The following NVL variants were observed in gnomAD, a reference collection of about 807,000 sequenced individuals.
The protein encoded by NVL is nuclear valosin-containing protein-like.
Under a neutral mutation model 110.2 loss-of-function variants are expected in NVL, and 84 were observed. That is an observed-to-expected ratio of 0.76 (90% CI 0.64 to 0.91). The LOEUF is 0.91. Ranked by LOEUF, NVL falls within the 40% of genes least tolerant of loss-of-function variation. NVL has a pLI of 0.00. For synonymous variants in NVL, 354 were observed against 361.1 expected (o/e 0.98, Z 0.22); for missense variants, 882 against 1,035.9 (o/e 0.85, Z 2.04).
Position 224,314,024 on chromosome 1 carries a change from G to C in NVL, c.285-2167C>G, listed in dbSNP as rs548320554. On this transcript the variant is annotated intron_variant, in intron 4 of 22. Transcript: ENST00000281701. The stretch of plus-strand genomic sequence containing the variant: ...TCTCAAAAAAAGAAAAAATATATAT[G>C]ATCAATATTTTGCCTATAAAAACAG... Among the ~76,000 whole-genome samples, 4 of 152,186 alleles carry C rather than the reference G, an allele frequency of 2.6e-5. No individual in the cohort carries two copies. In the South Asian group the frequency reaches 8.3e-4, roughly 32 times the overall value.
chr1:224,264,420 G>A (rs1664289059), intron 18 of NVL, among the ~76,000 whole-genome samples: 1 of 151,822 alleles, frequency 6.6e-6, no homozygotes, highest in Non-Finnish European at 1.5e-5. Context: ...ATTAATTTTT[G>A]TATTATTAGT....
intron 18 of NVL, among the ~76,000 whole-genome samples, chr1:224,259,460 T>C (rs1162718539): frequency 6.6e-6 from 1 of 152,138 alleles, no homozygotes; most frequent in Non-Finnish European, 1.5e-5. Context: ...TCAAAACCAT[T>C]GAATGATATA....
At chr1:224,317,651 T>C (rs765977304) in intron 4 of NVL, 43 bp downstream of exon 4, 14 of 1,167,674 alleles carry the variant, frequency 1.2e-5, no homozygotes, top group Non-Finnish European at 1.8e-5. Flanking sequence ...TGTAACATGA[T>C]AAAGTTCATG....
At chr1:224,228,924 CAAAAAAAAAAAAA>C (rs368485856) in intron 22 of NVL, among the ~76,000 whole-genome samples, 1 of 81,686 alleles carries the variant, frequency 1.2e-5, no homozygotes, top group Non-Finnish European at 2.1e-5. Flanking sequence ...GACTCCGTCT[CAAAAAAAAAAAAA>C]AAAAAAAAAG....
intron 22 of NVL, among the ~76,000 whole-genome samples, chr1:224,231,000 G>A (rs1397763061): frequency 6.6e-6 from 1 of 151,938 alleles, no homozygotes; most frequent in African/African-American, 2.4e-5. Flanking sequence ...GGGGATGGTG[G>A]CGGGCACCTG....
chr1:224,237,565 T>C (rs552899392), intron 19 of NVL, among the ~76,000 whole-genome samples: 2 of 152,238 alleles, frequency 1.3e-5, no homozygotes, highest in South Asian at 4.1e-4. Flanking sequence ...AGTGACAAAC[T>C]GCAGAGGCAA....
chr1:224,281,219 C>T (rs79564051), intron 15 of NVL, 34 bp from the exon 16 acceptor site: 84,601 of 1,523,646 alleles, frequency 0.056, 2,671 homozygotes, highest in East Asian at 0.088. Context: ...ACAAATAAGA[C>T]CAATACACAG....
intron 18 of NVL, among the ~76,000 whole-genome samples, chr1:224,252,713 T>G (rs1371825720): frequency 6.6e-6 from 1 of 152,202 alleles, no homozygotes; most frequent in Non-Finnish European, 1.5e-5. Flanking sequence ...CATAACACTT[T>G]CAATATCATA....
At chr1:224,292,214 G>A (rs535332351) in intron 12 of NVL, among the ~76,000 whole-genome samples, 25 of 152,046 alleles carry the variant, frequency 1.6e-4, no homozygotes, top group African/African-American at 5.6e-4. Context: ...GATGAGCCTG[G>A]GCAACATAGT....
rs183831753 is a variant in NVL at position 224,309,237 on chromosome 1, A to G, written c.343-974T>C. ...GTTATTCCATCAAAGCAAAATTGGG[A>G]CTGGGCGTGGTAGCTCACGCCCTGT... On this transcript the variant is annotated intron_variant, in intron 5 of 22. Transcript: ENST00000281701. Among the ~76,000 whole-genome samples the G allele has an allele frequency of 3.8e-3, 585 of 152,184 alleles. 1 individual carries two copies. The highest frequency in any genetic ancestry group is 5.6e-3 in the Non-Finnish European group (379 of 67,992).
chr1:224,301,664 C>A, intron 9 of NVL: 1 of 349,924 alleles, frequency 2.9e-6, no homozygotes, highest in South Asian at 2.1e-5. Flanking sequence ...GCCAGGCATG[C>A]TGATGCATGC....
chr1:224,237,730 C>CTTTT lies in NVL; in HGVS notation c.2290-1152_2290-1149dup, dbSNP rs775411063. Among the ~76,000 whole-genome samples, 5 of 130,100 alleles carry CTTTT rather than the reference C, an allele frequency of 3.8e-5. 1 individual carries two copies. Among genetic ancestry groups the CTTTT allele is most frequent in the Admixed American group, 8.3e-5 (1 of 12,040 alleles). 85.4% of individuals were successfully genotyped at this position (130,100 alleles called of 152,430 possible). On this transcript the variant is annotated intron_variant, in intron 19 of 22. Coordinates refer to ENST00000281701, the MANE Select transcript of NVL (RefSeq NM_002533.4). ...AACTACATGCCACCATGCCTGGCTACTTTTTTTTTTTTTTGAGACAGTCTC... is the reference window on the plus strand; with the variant it reads ...AACTACATGCCACCATGCCTGGCTACTTTTTTTTTTTTTTTTTTGAGACAGTCTC...
intron 16 of NVL, among the ~76,000 whole-genome samples, chr1:224,279,459 C>A (rs1666103985): frequency 6.6e-6 from 1 of 152,138 alleles, no homozygotes; most frequent in Non-Finnish European, 1.5e-5. Flanking sequence ...AACCAAAAAA[C>A]TCAACCAAAC....
intron 18 of NVL, chr1:224,257,044 T>C (rs1558264968): frequency 1.9e-6 from 1 of 530,672 alleles, no homozygotes; most frequent in East Asian, 5.5e-5. Context: ...TCTTTTTTTT[T>C]CCTTTTGCCC....
intron 10 of NVL, chr1:224,298,297 C>G: frequency 3.6e-6 from 1 of 278,602 alleles, no homozygotes; most frequent in South Asian, 4.5e-5. Context: ...ACAAGTGTTA[C>G]CACCACAAAA....
intron 14 of NVL, among the ~76,000 whole-genome samples, chr1:224,286,432 CTGACCTCAGG>C (rs892210157): frequency 7.2e-5 from 11 of 152,132 alleles, no homozygotes; most frequent in Non-Finnish European, 1.5e-4. Context: ...TCTTGAACTC[CTGACCTCAGG>C]TGATCCACCT....
At chr1:224,296,385 T>A in intron 11 of NVL, 116 bp downstream of exon 11, 2 of 577,292 alleles carry the variant, frequency 3.5e-6, no homozygotes, top group Non-Finnish European at 5.7e-6. Flanking sequence ...CAGTATGACT[T>A]TTTTTTTACA....
chr1:224,292,085 A>T (rs1284772551), intron 12 of NVL, among the ~76,000 whole-genome samples: 1 of 152,182 alleles, frequency 6.6e-6, no homozygotes, highest in East Asian at 1.9e-4. Context: ...GTTTTACACC[A>T]ATAGAAACTG....
intron 16 of NVL, among the ~76,000 whole-genome samples, chr1:224,280,452 T>A (rs893800047): frequency 4.5e-4 from 68 of 152,126 alleles, no homozygotes; most frequent in Non-Finnish European, 1.8e-4. Context: ...AAGGTTCACA[T>A]CTAATACCAC....
Sources: gnomAD v4.1 joint callset for allele counts (sites outside exome capture counted in the v4.1 genomes callset) on GRCh38, gnomAD v4.1.1 for gene constraint, MANE v1.5 for transcripts, NCBI Gene and HGNC (gene_info 2026-07-23, HGNC 2026-07-21) for gene names.